Variants in C1orf21 observed in about 807,000 individuals in gnomAD.
C1orf21 encodes chromosome 1 open reading frame 21, also known as uncharacterized protein C1orf21.
Under a neutral mutation model 18.7 loss-of-function variants are expected in C1orf21, and 3 were observed. That is an observed-to-expected ratio of 0.16 (90% CI 0.07 to 0.42). The LOEUF is 0.42. Among genes scored for constraint, C1orf21 ranks in the 10% least tolerant of loss-of-function variants. C1orf21 has a pLI of 0.99. For missense variants in C1orf21, 104 were observed against 143.6 expected (o/e 0.72, Z 1.41); for synonymous variants, 41 against 46.4 (o/e 0.88, Z 0.47).
chr1:184,487,424 C>T (rs1183685552), intron 2 of C1orf21, among the ~76,000 whole-genome samples: 3 of 152,168 alleles, frequency 2.0e-5, no homozygotes, highest in Non-Finnish European at 4.4e-5. Flanking sequence ...CATGATTATC[C>T]CTACTTGATA....
intron 3 of C1orf21, among the ~76,000 whole-genome samples, chr1:184,559,139 T>G (rs1658917153): frequency 1.3e-5 from 2 of 152,178 alleles, no homozygotes; most frequent in Admixed American, 1.3e-4. Context: ...AATTGTAATC[T>G]CCAGTGCTGG....
At chr1:184,555,425 A>G (rs919709287) in intron 3 of C1orf21, among the ~76,000 whole-genome samples, 1 of 152,142 alleles carries the variant, frequency 6.6e-6, no homozygotes. Flanking sequence ...TCACTGATGT[A>G]TGTTCACAGC....
intron 3 of C1orf21, chr1:184,567,603 G>C: frequency 2.2e-6 from 1 of 446,108 alleles, no homozygotes; most frequent in Non-Finnish European, 4.5e-6. Flanking sequence ...GGATTTCGTT[G>C]GTGGGGCAGG....
At chr1:184,616,679 C>CGT (rs1217972700) in intron 5 of C1orf21, among the ~76,000 whole-genome samples, 3 of 151,788 alleles carry the variant, frequency 2.0e-5, no homozygotes, top group Non-Finnish European at 2.9e-5. Context: ...CATGTGTGCA[C>CGT]GTGTGTGTGC....
chr1:184,580,529 T>A (rs186414763), intron 3 of C1orf21, among the ~76,000 whole-genome samples: 153 of 152,362 alleles, frequency 1.0e-3, no homozygotes, highest in Non-Finnish European at 1.6e-3. Flanking sequence ...ATTTTTCCCT[T>A]ACAAATTGAT....
chr1:184,404,499 C>A (rs1476625944), intron 1 of C1orf21, among the ~76,000 whole-genome samples: 1 of 152,022 alleles, frequency 6.6e-6, no homozygotes, highest in Non-Finnish European at 1.5e-5. Context: ...AGCAGAAGAG[C>A]CGAGAGAAAG....
intron 3 of C1orf21, among the ~76,000 whole-genome samples, chr1:184,585,446 T>C (rs948541482): frequency 2.6e-5 from 4 of 152,216 alleles, no homozygotes; most frequent in Non-Finnish European, 1.5e-5. Flanking sequence ...TTATAAAATG[T>C]TGTGGCTTGT....
At chr1:184,403,560 A>G (rs1438365419) in intron 1 of C1orf21, among the ~76,000 whole-genome samples, 1 of 152,228 alleles carries the variant, frequency 6.6e-6, no homozygotes. Flanking sequence ...GTATGTACAT[A>G]ATTGTTCATT....
rs578185451 is a variant in C1orf21 at position 184,523,300 on chromosome 1, A to G, written c.189+15618A>G. 2.3e-3 allele frequency among the ~76,000 whole-genome samples: 350 copies of G among 152,264 alleles called. 1 individual carries two copies. Among genetic ancestry groups the G allele is most frequent in the African/African-American group, 8.1e-3 (337 of 41,562 alleles). ...AATGTCAGTAGTGATAAGTCATGTTAATAGCATGTATCCTTGATGTGCTGT... is the reference window on the plus strand; with the variant it reads ...AATGTCAGTAGTGATAAGTCATGTTGATAGCATGTATCCTTGATGTGCTGT... On this transcript the variant is annotated intron_variant, in intron 3 of 5. Transcript: ENST00000235307.
chr1:184,514,219 C>G (rs1284873094), intron 3 of C1orf21, among the ~76,000 whole-genome samples: 1 of 152,148 alleles, frequency 6.6e-6, no homozygotes, highest in East Asian at 1.9e-4. Context: ...GCAGGAGGAT[C>G]GCTTGAGCCC....
At chr1:184,392,986 C>T (rs894642698) in intron 1 of C1orf21, among the ~76,000 whole-genome samples, 1 of 151,868 alleles carries the variant, frequency 6.6e-6, no homozygotes, top group Admixed American at 6.6e-5. Flanking sequence ...ACACCATACA[C>T]CTGGAGAGTT....
chr1:184,398,460 T>C (rs1656097718), intron 1 of C1orf21, among the ~76,000 whole-genome samples: 1 of 152,224 alleles, frequency 6.6e-6, no homozygotes, highest in East Asian at 1.9e-4. Flanking sequence ...CCCTTCCTCG[T>C]ACACTCCTTT....
At chr1:184,531,260 C>T (rs1477553660) in intron 3 of C1orf21, among the ~76,000 whole-genome samples, 1 of 152,118 alleles carries the variant, frequency 6.6e-6, no homozygotes, top group Non-Finnish European at 1.5e-5. Context: ...TTCATTTGTT[C>T]CTTTCTTCTT....
chr1:184,542,381 G>T (rs1658667472), intron 3 of C1orf21, among the ~76,000 whole-genome samples: 1 of 152,146 alleles, frequency 6.6e-6, no homozygotes, highest in African/African-American at 2.4e-5. Flanking sequence ...AACCAGTAAA[G>T]AATGGAGCTA....
At chr1:184,427,107 G>A (rs1656653087) in intron 1 of C1orf21, among the ~76,000 whole-genome samples, 1 of 152,056 alleles carries the variant, frequency 6.6e-6, no homozygotes, top group Non-Finnish European at 1.5e-5. Flanking sequence ...TATCAGACTG[G>A]CACAAACACT....
At chr1:184,569,407 A>G (rs1458384282) in intron 3 of C1orf21, among the ~76,000 whole-genome samples, 1 of 152,242 alleles carries the variant, frequency 6.6e-6, no homozygotes, top group African/African-American at 2.4e-5. Context: ...TTTTGTATAC[A>G]GATAAGCTAA....
At chr1:184,498,234 C>T (rs1457808982) in intron 2 of C1orf21, among the ~76,000 whole-genome samples, 2 of 152,174 alleles carry the variant, frequency 1.3e-5, no homozygotes, top group Non-Finnish European at 2.9e-5. Flanking sequence ...AAGGCTAATG[C>T]TTTATTCTGT....
At chr1:184,565,789 C>T (rs1659027255) in intron 3 of C1orf21, among the ~76,000 whole-genome samples, 1 of 152,200 alleles carries the variant, frequency 6.6e-6, no homozygotes, top group Non-Finnish European at 1.5e-5. Flanking sequence ...CTGTAGTTTT[C>T]CATTGTGACC....
chr1:184,517,832 C>G (rs1259601657), intron 3 of C1orf21, among the ~76,000 whole-genome samples: 1 of 152,146 alleles, frequency 6.6e-6, no homozygotes, highest in Non-Finnish European at 1.5e-5. Flanking sequence ...TCAGATTCAT[C>G]CCCAAAGATC....
Sources: allele counts gnomAD v4.1 joint callset (sites outside exome capture counted in the v4.1 genomes callset), GRCh38; gene constraint gnomAD v4.1.1; transcripts MANE v1.5; gene names NCBI Gene and HGNC (gene_info 2026-07-23, HGNC 2026-07-21).